VPS53: variants seen among roughly 807,000 people sequenced by gnomAD.
VPS53 encodes the protein VPS53 subunit of GARP complex.
Under a neutral mutation model 107.0 loss-of-function variants are expected in VPS53, and 70 were observed. That is an observed-to-expected ratio of 0.65 (90% CI 0.54 to 0.80). The LOEUF is 0.80. Ranked by LOEUF, VPS53 falls within the 30% of genes least tolerant of loss-of-function variation. The pLI is 0.00. For synonymous variants in VPS53, 409 were observed against 393.3 expected (o/e 1.04, Z -0.47); for missense variants, 917 against 1,049.4 (o/e 0.87, Z 1.74).
chr17:561,507 A>G (rs990237309), intron 14 of VPS53, among the ~76,000 whole-genome samples: 1 of 152,266 alleles, frequency 6.6e-6, no homozygotes, highest in African/African-American at 2.4e-5. Context: ...TATAGCCCCA[A>G]TTCCGTGACA....
intron 2 of VPS53, among the ~76,000 whole-genome samples, chr17:705,423 T>TGA (rs1299782325): frequency 9.7e-5 from 14 of 143,694 alleles, no homozygotes; most frequent in African/African-American, 3.7e-4. Context: ...GCCCAGTCTG[T>TGA]AAAAAAAAAA....
intron 11 of VPS53, among the ~76,000 whole-genome samples, chr17:604,166 A>G (rs1597370576): frequency 6.6e-6 from 1 of 152,348 alleles, no homozygotes; most frequent in East Asian, 1.9e-4. Flanking sequence ...TTTTTAAAAC[A>G]TAATGTGTTA....
At chr17:665,140 C>A (rs895296090) in intron 4 of VPS53, among the ~76,000 whole-genome samples, 3 of 152,198 alleles carry the variant, frequency 2.0e-5, no homozygotes, top group Non-Finnish European at 4.4e-5. Flanking sequence ...CCCTCACGAA[C>A]AAATGAATGG....
intron 11 of VPS53, 30 bp downstream of exon 11, chr17:623,503 C>A: frequency 6.3e-7 from 1 of 1,592,146 alleles, no homozygotes; most frequent in Non-Finnish European, 8.6e-7. Flanking sequence ...CCACTGATTT[C>A]ACGTGGCAGC....
Position 683,560 on chromosome 17 carries a change from T to C in VPS53, c.285+13858A>G, listed in dbSNP as rs1342288422. 1.2e-4 allele frequency among the ~76,000 whole-genome samples: 19 copies of C among 152,168 alleles called. 1 individual carries two copies. ...AGAACAAATATGGTACAGAAAAAAC[T>C]CAGATCTAAGGAGATAAAAATGAGA... is the stretch of plus-strand genomic sequence containing the variant. On this transcript the variant is annotated intron_variant, in intron 4 of 21. Transcript: ENST00000437048.
chr17:600,580 T>A lies in VPS53; in HGVS notation c.1218+1215A>T, dbSNP rs557090115. Reference sequence around the variant, plus strand: ...TCTCCGGGATGGAGCCTCCTCAAGATGTCCCATCAGTTTTGTTCATTTACT... The same window carrying A: ...TCTCCGGGATGGAGCCTCCTCAAGAAGTCCCATCAGTTTTGTTCATTTACT... On this transcript the variant is annotated intron_variant, in intron 12 of 21. Transcript: ENST00000437048. Among the ~76,000 whole-genome samples the A allele has an allele frequency of 3.9e-5, 6 of 152,392 alleles. No individual in the cohort carries two copies. In the South Asian group the frequency reaches 1.2e-3, roughly 32 times the overall value.
chr17:651,110 T>C (rs1020361921), intron 7 of VPS53, among the ~76,000 whole-genome samples: 7 of 152,204 alleles, frequency 4.6e-5, no homozygotes, highest in South Asian at 2.1e-4. Context: ...TCCAGAGCGA[T>C]AGCCACTGAA....
intron 19 of VPS53, chr17:523,430 G>C (rs1286145315): frequency 6.6e-6 from 1 of 152,260 alleles, no homozygotes; most frequent in Non-Finnish European, 1.5e-5. Context: ...ATCCTATCAG[G>C]TAGGTGAGAA....
intron 12 of VPS53, 87 bp from the exon 13 acceptor site, chr17:586,451 C>A: frequency 7.9e-7 from 1 of 1,263,818 alleles, no homozygotes; most frequent in South Asian, 1.3e-5. Context: ...TTTCAAAGTT[C>A]ATTCCTAAGT....
At chr17:553,273 G>C (rs1912025269) in intron 16 of VPS53, 107 bp downstream of exon 16, 2 of 932,690 alleles carry the variant, frequency 2.1e-6, no homozygotes, top group African/African-American at 1.6e-5. Context: ...CTGTGTAGTG[G>C]AGAAAGGGCA....
Position 652,891 on chromosome 17 carries a change from A to G in VPS53, c.608+400T>C, listed in dbSNP as rs114585379. On this transcript the variant is annotated intron_variant, in intron 7 of 21. Transcript: ENST00000437048. ...ACATGGGAAGGGGTAAAGTGGGGGA[A>G]CGTCTGCACCAGACAGTTAGATCAG... Among the ~76,000 whole-genome samples the G allele has an allele frequency of 9.7e-4, 147 of 152,300 alleles. 1 individual carries two copies. Among genetic ancestry groups the G allele is most frequent in the Middle Eastern group, 3.4e-3 (1 of 294 alleles).
chr17:604,323 G>T lies in VPS53; in HGVS notation c.1117-2427C>A, dbSNP rs999212109. On this transcript the variant is annotated intron_variant, in intron 11 of 21. Transcript: ENST00000437048. ...CACTGGCGTAAAGCATCAAGAAAACGCAGAGGGTAGGAAGAAGTCGAGCCT... is the reference window on the plus strand; with the variant it reads ...CACTGGCGTAAAGCATCAAGAAAACTCAGAGGGTAGGAAGAAGTCGAGCCT... Among the ~76,000 whole-genome samples, 3 of 152,048 alleles carry T rather than the reference G, an allele frequency of 2.0e-5. No individual in the cohort carries two copies. The East Asian group carries it at 5.8e-4, about 29-fold the overall frequency.
chr17:595,186 A>G (rs2143004792), intron 12 of VPS53, among the ~76,000 whole-genome samples: 1 of 90,152 alleles, frequency 1.1e-5, no homozygotes, highest in Non-Finnish European at 2.3e-5. Context: ...GTCCCCCTGG[A>G]GGAAGCTGGG....
chr17:618,309 C>G lies in VPS53; in HGVS notation c.1116+5224G>C, dbSNP rs773127525. Among the ~76,000 whole-genome samples, 73 of 96,274 alleles carry G rather than the reference C, an allele frequency of 7.6e-4. 11 individuals are homozygous for G. Among genetic ancestry groups the G allele is most frequent in the Non-Finnish European group, 1.6e-3 (66 of 40,772 alleles). 63.2% of individuals were successfully genotyped at this position (96,274 alleles called of 152,430 possible). A position where few individuals can be genotyped will look rare whatever the true frequency, so the allele number is the denominator to read the frequency against. On this transcript the variant is annotated intron_variant, in intron 11 of 21. Transcript: ENST00000437048. The stretch of plus-strand genomic sequence containing the variant: ...GGGACTACAGGCGTGCGCCACCACG[C>G]CCCACTAATATTTCCTGGGTAGCTG...
At chr17:655,771 GACA>G (rs1485458884) in intron 6 of VPS53, 64 bp downstream of exon 6, 5 of 1,424,140 alleles carry the variant, frequency 3.5e-6, no homozygotes, top group Non-Finnish European at 4.8e-6. Context: ...GTAAATAGGC[GACA>G]ACACCATTTT....
rs34842319 is a variant in VPS53, at chr17:551,633, C to CT, written c.1866+238dup. Reference sequence around the variant, plus strand: ...CTCATCAAACACATTTACTTCGTCTCTTTTTTTTTTGCCATCCTCCAATAC... The same window carrying CT: ...CTCATCAAACACATTTACTTCGTCTCTTTTTTTTTTTGCCATCCTCCAATAC... On this transcript the variant is annotated intron_variant, in intron 17 of 21. Transcript: ENST00000437048. 44,919 of 266,120 alleles carry CT rather than the reference C, an allele frequency of 0.17. 2,919 individuals carry two copies. Among genetic ancestry groups the CT allele is most frequent in the Admixed American group, 0.26 (4,854 of 18,500 alleles). 16.5% of individuals were successfully genotyped at this position (266,120 alleles called of 1,614,324 possible). A position where few individuals can be genotyped will look rare whatever the true frequency, so the allele number is the denominator to read the frequency against.
chr17:565,403 C>CAAAAAAAAAAAA (rs535932031), intron 13 of VPS53, among the ~76,000 whole-genome samples: 1 of 82,534 alleles, frequency 1.2e-5, no homozygotes, highest in Non-Finnish European at 2.3e-5. Context: ...AACCCCATCT[C>CAAAAAAAAAAAA]AAAAAAAAAA....
chr17:667,380 T>C (rs187639987), intron 4 of VPS53, among the ~76,000 whole-genome samples: 39 of 151,838 alleles, frequency 2.6e-4, no homozygotes, highest in Admixed American at 2.3e-3. Flanking sequence ...GAGTAATTTT[T>C]AAAGATGAGA....
chr17:580,541 C>G (rs1225992101), intron 13 of VPS53, among the ~76,000 whole-genome samples: 2 of 149,596 alleles, frequency 1.3e-5, no homozygotes, highest in African/African-American at 4.9e-5. Flanking sequence ...CCCAGAGAAC[C>G]TCCCTCAGAA....
Sources: gnomAD v4.1 joint callset for allele counts (sites outside exome capture counted in the v4.1 genomes callset) on GRCh38, gnomAD v4.1.1 for gene constraint, MANE v1.5 for transcripts, NCBI Gene and HGNC (gene_info 2026-07-23, HGNC 2026-07-21) for gene names.